MYBBP1A: variants seen among roughly 807,000 people sequenced by gnomAD.
MYBBP1A encodes the protein myb-binding protein 1A.
In MYBBP1A, 147 loss-of-function variants were observed where a neutral mutation model predicts 136.3. The ratio of observed to expected loss-of-function variants is 1.08; its 90% CI spans 0.94 to 1.24. The LOEUF is 1.24. Among genes scored for constraint, MYBBP1A ranks in the 50% most tolerant of loss-of-function variants. MYBBP1A has a pLI of 0.00. For missense variants in MYBBP1A, 2,060 were observed against 1,727.4 expected (o/e 1.19, Z -3.41); for synonymous variants, 947 against 735.8 (o/e 1.29, Z -4.65).
intron 25 of MYBBP1A, 146 bp from the exon 26 acceptor site, chr17:4,540,113 T>G: frequency 8.4e-7 from 1 of 1,186,326 alleles, no homozygotes; most frequent in South Asian, 1.5e-5. Context: ...GAGGGTCCTA[T>G]GAGGGTCCTG....
At chr17:4,545,565 C>T (rs1906928521) in intron 15 of MYBBP1A, 45 bp downstream of exon 15, 3 of 1,540,238 alleles carry the variant, frequency 1.9e-6, no homozygotes, top group Middle Eastern at 2.4e-4. Context: ...GCTCGCTGCT[C>T]AGTGAGCCCC....
rs1906899542 is a variant in MYBBP1A at position 4,545,281 on chromosome 17, T to G, written c.2138A>C (p.Glu713Ala). The G allele has an allele frequency of 6.2e-7, 1 of 1,610,814 alleles. No individual in the cohort carries two copies. The highest frequency in any genetic ancestry group is 8.5e-7 in the Non-Finnish European group (1 of 1,179,600). The stretch of plus-strand genomic sequence containing the variant: ...CACCTCTGCACCCTTCAGCCGCCGC[T>G]CATCAGAATCGTCCGTCACCACCAC... ...DRVVVTDDSD[E>A]RRLKGAEDKS... The change falls in exon 16 of 26, where the codon GAG becomes GCG. Residue 713 changes from glutamate (E) to alanine (A), a missense_variant. Transcript: ENST00000254718.
rs1483129693 is a variant in MYBBP1A at position 4,554,294 on chromosome 17, T to C, written c.295-16A>G. On this transcript the variant is annotated splice_polypyrimidine_tract_variant and intron_variant, in intron 2 of 25. Transcript: ENST00000254718. ...ACTGTAACAGCTGCCAGGAGTTGTG[T>C]GGCAGGAGGAAGAGGGTTCAGGAGA... is the stretch of plus-strand genomic sequence containing the variant. 6.2e-7 allele frequency: 1 copy of C among 1,612,722 alleles called. No individual in the cohort carries two copies.
chr17:4,550,387 G>A, intron 8 of MYBBP1A, 34 bp from the exon 9 acceptor site: 1 of 1,575,912 alleles, frequency 6.3e-7, no homozygotes, highest in South Asian at 1.2e-5. Flanking sequence ...GAGCCCACCA[G>A]CCCAGGGGGG....
Position 4,542,775 on chromosome 17 carries a change from G to GGA in MYBBP1A, c.2893-36_2893-35dup, listed in dbSNP as rs748204926. On this transcript the variant is annotated intron_variant, in intron 20 of 25. Transcript: ENST00000254718. ...GGGGAGAGCGAGCTGGGTGAGGCCA[G>GGA]GAGAGGGGTCCCTGGGATGGGAGCA... 1.9e-6 allele frequency: 3 copies of GGA among 1,609,844 alleles called. No homozygotes were observed. The South Asian group carries it at 3.3e-5, about 18-fold the overall frequency.
rs374532058 is a variant in MYBBP1A, at chr17:4,542,978, C to G, written c.2827G>C (p.Val943Leu). ...TTCTGCTTCTCCTGTGTCTCATGCA[C>G]GCAGCCCTCAGCAGTGTTGCCCTTC... ...VLKGNTAEGC[V>L]HETQEKQKAG... Residue 943 changes from valine to leucine, a missense_variant, in exon 20 of 26, where the codon GTG becomes CTG. Val to Leu is a conservative substitution (Grantham distance 32, BLOSUM62 1). Transcript: ENST00000254718. 6 of 1,613,946 alleles carry G rather than the reference C, an allele frequency of 3.7e-6. No individual in the cohort carries two copies. The South Asian group carries it at 5.5e-5, about 15-fold the overall frequency.
rs1182222923 is a variant in MYBBP1A, at chr17:4,545,056, C to A, written c.2280G>T (p.Leu760=). ...CCTTCCCAGCCTGCAGCACGGTCAT[C>A]AGCTGTTCCCGGAAGCCCTGATCCA... ...GDVDQGFREQ[L]MTVLQAGKAL... is the part of the protein sequence containing the mutation. The change falls in exon 17 of 26, where the codon CTG becomes CTT. Residue 760 remains leucine, a synonymous_variant. Transcript: ENST00000254718. 1 of 1,547,440 alleles carries A rather than the reference C, an allele frequency of 6.5e-7. No homozygotes were observed. The highest frequency in any genetic ancestry group is 8.7e-7 in the Non-Finnish European group (1 of 1,148,254).
At chr17:4,549,948 T>A (rs1051180756) in intron 9 of MYBBP1A, 110 bp downstream of exon 9, 1 of 1,236,988 alleles carries the variant, frequency 8.1e-7, no homozygotes, top group Non-Finnish European at 1.1e-6. Context: ...CCCTCGCTCC[T>A]CTCATGGTTT....
intron 25 of MYBBP1A, 81 bp downstream of exon 25, chr17:4,540,267 G>T: frequency 6.7e-7 from 1 of 1,486,604 alleles, no homozygotes; most frequent in Non-Finnish European, 9.0e-7. Context: ...AGCAGCGTGT[G>T]TGCAGCGTGT....
chr17:4,552,225 G>C lies in MYBBP1A; in HGVS notation c.805C>G (p.Leu269Val). 6.2e-7 allele frequency: 1 copy of C among 1,614,218 alleles called. No individual in the cohort carries two copies. Among genetic ancestry groups the C allele is most frequent in the Non-Finnish European group, 8.5e-7 (1 of 1,180,042 alleles). The change falls in exon 7 of 26, where the codon CTG (leucine) becomes GTG (valine). Residue 269 changes from leucine (L) to valine (V), a missense_variant. Leu to Val is a conservative substitution (Grantham distance 32, BLOSUM62 1). Coordinates refer to ENST00000254718, the MANE Select transcript of MYBBP1A (RefSeq NM_014520.4). The surrounding 1 kb of genome is among the most constrained non-coding windows in gnomAD (Gnocchi z 4.7). Reference protein sequence around the residue: ...KKDRKLPAIALDLLRLALKED... With the variant: ...KKDRKLPAIAVDLLRLALKED... The stretch of plus-strand genomic sequence containing the variant: ...TTGAGTGCCAGGCGGAGCAGGTCCA[G>C]AGCAATGGCGGGCAGCTTGCGGTCC...
At chr17:4,540,545 C>T in intron 24 of MYBBP1A, 61 bp from the exon 25 acceptor site, 1 of 1,495,558 alleles carries the variant, frequency 6.7e-7, no homozygotes, top group Non-Finnish European at 8.9e-7. Context: ...TCGCGGGCTC[C>T]CAGTCTTCCC....
Position 4,542,758 on chromosome 17 carries a change from C to T in MYBBP1A, c.2893-17G>A, listed in dbSNP as rs754444872. 1.4e-5 allele frequency: 23 copies of T among 1,612,522 alleles called. No homozygotes were observed. The highest frequency in any genetic ancestry group is 6.6e-5 in the South Asian group (6 of 90,894). On this transcript the variant is annotated splice_polypyrimidine_tract_variant and intron_variant, in intron 20 of 25. Coordinates refer to ENST00000254718, the MANE Select transcript of MYBBP1A (RefSeq NM_014520.4). ...GCTGGCAGCCTAGGCCAGGGGAGAG[C>T]GAGCTGGGTGAGGCCAGGAGAGGGG...
chr17:4,544,539 G>T lies in MYBBP1A; in HGVS notation c.2589C>A (p.Ser863Arg). Residue 863 changes from serine to arginine, a missense_variant, in exon 19 of 26, where the codon AGC becomes AGA. By Grantham distance (110) the Ser-to-Arg change is moderately radical. Coordinates refer to ENST00000254718, the MANE Select transcript of MYBBP1A (RefSeq NM_014520.4). Reference protein sequence around the residue: ...LSIIRRSLRSSSSKQEQDLLH... With the variant: ...LSIIRRSLRSRSSKQEQDLLH... ...GAAGGTCCTGCTCCTGTTTGGAGCT[G>T]CTGCTGCGCAGGCTGCGCCGGATGA... is the stretch of plus-strand genomic sequence containing the variant. 1.3e-6 allele frequency: 2 copies of T among 1,556,930 alleles called. No individual in the cohort carries two copies. Among genetic ancestry groups the T allele is most frequent in the Admixed American group, 1.9e-5 (1 of 51,800 alleles).
At chr17:4,554,337 T>C in intron 2 of MYBBP1A, 59 bp from the exon 3 acceptor site, 1 of 1,472,136 alleles carries the variant, frequency 6.8e-7, no homozygotes, top group Non-Finnish European at 9.5e-7. Context: ...AACTACGTCT[T>C]CACAAACCTT....
In MYBBP1A at chr17:4,544,861, G is replaced by C; in HGVS notation, c.2371C>G (p.Gln791Glu). The change falls in exon 18 of 26, where the codon CAG (glutamine) becomes GAG (glutamate). Residue 791 changes from glutamine (Q) to glutamate (E), a missense_variant. By Grantham distance (29) the Gln-to-Glu change is conservative. Transcript: ENST00000254718. ...TCGGCAAAGAGGCTGGCGAGGCTCT[G>C]GTCCAGGGCCATCATGGCCTCATCC... Reference protein sequence around the residue: ...LGDEAMMALDQSLASLFAEQK... With the variant: ...LGDEAMMALDESLASLFAEQK... 2 of 1,607,988 alleles carry C rather than the reference G, an allele frequency of 1.2e-6. No homozygotes were observed. Among genetic ancestry groups the C allele is most frequent in the Non-Finnish European group, 1.7e-6 (2 of 1,177,774 alleles).
chr17:4,543,379 G>A (rs1906650865), intron 19 of MYBBP1A: 1 of 634,790 alleles, frequency 1.6e-6, no homozygotes, highest in Non-Finnish European at 2.7e-6. Context: ...CGCTCCAGGG[G>A]AGAACAGAAC....
Position 4,542,482 on chromosome 17 carries a change from C to G in MYBBP1A, c.3069G>C (p.Pro1023=), listed in dbSNP as rs373771393. ...LPILVQHITG[P]VRPRHQACLL... Reference sequence around the variant, plus strand: ...CTCTCACCTGATGACGGGGCCGCACCGGGCCCGTGATATGCTGGACCAGGA... The same window carrying G: ...CTCTCACCTGATGACGGGGCCGCACGGGGCCCGTGATATGCTGGACCAGGA... Residue 1023 remains proline, a synonymous_variant, in exon 22 of 26, where the codon CCG becomes CCC. Transcript: ENST00000254718. 1 of 1,610,372 alleles carries G rather than the reference C, an allele frequency of 6.2e-7. No individual in the cohort carries two copies. Among genetic ancestry groups the G allele is most frequent in the South Asian group, 1.1e-5 (1 of 90,804 alleles).
intron 23 of MYBBP1A, 86 bp downstream of exon 23, chr17:4,541,698 C>T: frequency 6.8e-7 from 1 of 1,460,952 alleles, no homozygotes; most frequent in Non-Finnish European, 9.6e-7. Context: ...TGGACTCAGG[C>T]TCCAATCCTC....
Position 4,552,148 on chromosome 17 carries a change from C to T in MYBBP1A, c.882G>A (p.Leu294=), listed in dbSNP as rs767145687. The T allele has an allele frequency of 5.6e-6, 9 of 1,614,154 alleles. No individual in the cohort carries two copies. Among genetic ancestry groups the T allele is most frequent in the Non-Finnish European group, 7.6e-6 (9 of 1,179,982 alleles). ...ACCTGGCTGGCCAGAACTGCATCTT[C>T]AGCAGCCCTTGTTCCACCACCTCCT... The part of the protein sequence containing the change: ...FWKEVVEQGL[L]KMQFWPASYL... Residue 294 remains leucine (L), a synonymous_variant, in exon 7 of 26, where the codon CTG becomes CTA. Transcript: ENST00000254718. The surrounding 1 kb of genome is among the most constrained non-coding windows in gnomAD (Gnocchi z 4.7).
Sources: gnomAD v4.1 joint callset for allele counts on GRCh38, gnomAD v4.1.1 for gene constraint, Gnocchi (gnomAD v3.1) non-coding constraint, MANE v1.5 for transcripts, NCBI Gene and HGNC (gene_info 2026-07-23, HGNC 2026-07-21) for gene names.